Variants in RIN2 observed in about 807,000 individuals in gnomAD.
RIN2 encodes RAB5 interacting protein 2.
In RIN2, 36 loss-of-function variants were observed where a neutral mutation model predicts 78.0. The observed-to-expected ratio is 0.46, with a 90% CI of 0.35 to 0.61. The LOEUF (loss-of-function observed/expected upper bound fraction) is 0.61. Ranked by LOEUF, RIN2 falls within the 20% of genes least tolerant of loss-of-function variation. The pLI is 0.00. For synonymous variants in RIN2, 466 were observed against 466.8 expected (o/e 1.00, Z 0.02); for missense variants, 1,087 against 1,159.7 (o/e 0.94, Z 0.91).
chr20:19,795,864 T>C (rs1314149237), intron 1 of RIN2, among the ~76,000 whole-genome samples: 1 of 152,126 alleles, frequency 6.6e-6, no homozygotes, highest in Non-Finnish European at 1.5e-5. Context: ...AGAAGCTCTA[T>C]GTTTAAGGGT....
At chr20:19,863,692 G>T (rs1156492952) in intron 2 of RIN2, among the ~76,000 whole-genome samples, 3 of 152,150 alleles carry the variant, frequency 2.0e-5, no homozygotes, top group Non-Finnish European at 2.9e-5. Context: ...ACCAGCCCTA[G>T]AATCCTTGCC....
At chr20:19,869,347 C>G (rs1382692138) in intron 2 of RIN2, among the ~76,000 whole-genome samples, 2 of 152,124 alleles carry the variant, frequency 1.3e-5, no homozygotes, top group East Asian at 3.9e-4. Context: ...GGAACAAGAC[C>G]CTCACTATTC....
At position 19,764,918 on chromosome 20, in the gene RIN2, G is replaced by GTTTTTTTTTTTTTTTTTTTTTT. The variant is rs10605325; in HGVS notation, c.-163+6595_-163+6616dup. ...GGGCAAGTCCCACTTCACTTTCTGCGTTTTTTTTTTTTTTTTTTTTTTTTT... is the reference window on the plus strand; with the variant it reads ...GGGCAAGTCCCACTTCACTTTCTGCGTTTTTTTTTTTTTTTTTTTTTTTTTTTTTTTTTTTTTTTTTTTTTTT... On this transcript the variant is annotated intron_variant, in intron 1 of 12. Transcript: ENST00000255006. 2.4e-4 allele frequency among the ~76,000 whole-genome samples: 12 copies of GTTTTTTTTTTTTTTTTTTTTTT among 50,392 alleles called. 2 individuals are homozygous for GTTTTTTTTTTTTTTTTTTTTTT. The highest frequency in any genetic ancestry group is 7.9e-4 in the Admixed American group (2 of 2,538). 33.1% of individuals were successfully genotyped at this position (50,392 alleles called of 152,430 possible). A position where few individuals can be genotyped will look rare whatever the true frequency, so the allele number is the denominator to read the frequency against.
intron 3 of RIN2, among the ~76,000 whole-genome samples, chr20:19,929,185 A>C (rs2040346275): frequency 6.6e-6 from 1 of 152,100 alleles, no homozygotes; most frequent in Admixed American, 6.5e-5. Context: ...AGTGAGCAGC[A>C]CTCACTCACC....
chr20:19,961,342 T>C (rs182081006), intron 6 of RIN2, among the ~76,000 whole-genome samples: 1 of 151,876 alleles, frequency 6.6e-6, no homozygotes, highest in East Asian at 1.9e-4. Flanking sequence ...GAAGGGAGAG[T>C]GGTGTTCAGA....
In RIN2 at chr20:19,998,395, G is replaced by GA. The variant is rs559164340; in HGVS notation, c.2364+1554dup. ...GAAGATCGCTTGAGGCCAGGAGTTGGAGACCAGCCTTGGCAACAAAGTGAG... is the reference window on the plus strand; with the variant it reads ...GAAGATCGCTTGAGGCCAGGAGTTGGAAGACCAGCCTTGGCAACAAAGTGAG... On this transcript the variant is annotated intron_variant, in intron 12 of 12. Transcript: ENST00000255006. Among the ~76,000 whole-genome samples, 411 of 152,206 alleles carry GA rather than the reference G, an allele frequency of 2.7e-3. 4 individuals carry two copies. The highest frequency in any genetic ancestry group is 9.4e-3 in the African/African-American group (391 of 41,548).
At chr20:19,792,759 CT>C (rs776724977) in intron 1 of RIN2, among the ~76,000 whole-genome samples, 85 of 152,304 alleles carry the variant, frequency 5.6e-4, no homozygotes, top group Admixed American at 2.8e-3. Context: ...TCTATTACCC[CT>C]TCATTGGCTG....
At chr20:19,829,990 G>T (rs1328420850) in intron 2 of RIN2, among the ~76,000 whole-genome samples, 1 of 152,186 alleles carries the variant, frequency 6.6e-6, no homozygotes, top group Admixed American at 6.5e-5. Flanking sequence ...AGAAAATGAG[G>T]TTTCTGTTGT....
chr20:19,796,849 C>A (rs1016004599), intron 1 of RIN2, among the ~76,000 whole-genome samples: 1 of 152,152 alleles, frequency 6.6e-6, no homozygotes, highest in Non-Finnish European at 1.5e-5. Flanking sequence ...ATTTAATTTG[C>A]CTTGGGGCCA....
Position 19,975,605 on chromosome 20 carries a change from C to T in RIN2, c.1580C>T (p.Thr527Ile). Reference protein sequence around the residue: ...RIAELSRDKCTYFGCLVQDYV... With the variant: ...RIAELSRDKCIYFGCLVQDYV... ...GCCGAGCTTTCCCGGGACAAATGCACCTACTTCGGGTGCTTAGTGCAGGAC... is the reference window on the plus strand; with the variant it reads ...GCCGAGCTTTCCCGGGACAAATGCATCTACTTCGGGTGCTTAGTGCAGGAC... Residue 527 changes from threonine (T) to isoleucine (I), a missense_variant, in exon 9 of 13, where the codon ACC becomes ATC. By Grantham distance (89) the Thr-to-Ile change is moderately conservative. Around this residue, in one of 8 missense-constraint regions of RIN2, gnomAD observed 34 missense variants for 46.1 expected, o/e 0.74. Transcript: ENST00000255006. The surrounding 1 kb of genome is among the most constrained non-coding windows in gnomAD (Gnocchi z 4.9). 6.2e-7 allele frequency: 1 copy of T among 1,613,964 alleles called. No homozygotes were observed.
At chr20:19,984,629 T>C (rs1424208528) in intron 9 of RIN2, among the ~76,000 whole-genome samples, 1 of 152,064 alleles carries the variant, frequency 6.6e-6, no homozygotes, top group East Asian at 1.9e-4. Flanking sequence ...TAGCTGGGTG[T>C]GGTGGTGCAT....
At chr20:19,995,221 G>T (rs1402607921) in intron 11 of RIN2, among the ~76,000 whole-genome samples, 1 of 147,324 alleles carries the variant, frequency 6.8e-6, no homozygotes, top group Admixed American at 6.7e-5. Flanking sequence ...ACTAACTTCT[G>T]GTCCCTGCAG....
rs1462656491 is a variant in RIN2, at chr20:19,975,517, C to A, written c.1492C>A (p.Gln498Lys). The A allele has an allele frequency of 1.2e-6, 2 of 1,613,938 alleles. No individual in the cohort carries two copies. The highest frequency in any genetic ancestry group is 1.7e-6 in the Non-Finnish European group (2 of 1,179,906). ...VLPKLVKSQL[Q>K]KVSGVFSSFM... Reference sequence around the variant, plus strand: ...GCCCAAGCTCGTCAAGTCCCAGCTGCAGAAGGTGAGCGGGGTGTTCAGCTC... The same window carrying A: ...GCCCAAGCTCGTCAAGTCCCAGCTGAAGAAGGTGAGCGGGGTGTTCAGCTC... Residue 498 changes from glutamine to lysine, a missense_variant, in exon 9 of 13, where the codon CAG becomes AAG. This residue lies in a region of RIN2 where 706 missense variants were observed against 667.5 expected (regional missense o/e 1.06). Transcript: ENST00000255006. The surrounding 1 kb of genome is among the most constrained non-coding windows in gnomAD (Gnocchi z 4.9).
chr20:19,816,815 G>T (rs577343866), intron 2 of RIN2, among the ~76,000 whole-genome samples: 2 of 152,186 alleles, frequency 1.3e-5, no homozygotes, highest in African/African-American at 4.8e-5. Context: ...TGATGCATCT[G>T]AATAACTGAA....
chr20:19,904,240 A>T lies in RIN2; in HGVS notation c.57+14582A>T, dbSNP rs6035475. On this transcript the variant is annotated intron_variant, in intron 3 of 12. Coordinates refer to ENST00000255006, the MANE Select transcript of RIN2 (RefSeq NM_018993.4). ...GAATGAGACTTCGTCTCAAAAAAAA[A>T]ATATATATATATATATATATAAAAT... is the stretch of plus-strand genomic sequence containing the variant. Among the ~76,000 whole-genome samples the T allele has an allele frequency of 7.3e-3, 667 of 91,684 alleles. 2 individuals carry two copies. The highest frequency in any genetic ancestry group is 0.011 in the South Asian group (35 of 3,104). 60.1% of individuals were successfully genotyped at this position (91,684 alleles called of 152,430 possible). A position where few individuals can be genotyped will look rare whatever the true frequency, so the allele number is the denominator to read the frequency against.
chr20:19,847,517 C>T (rs1164482600), intron 2 of RIN2, among the ~76,000 whole-genome samples: 1 of 152,170 alleles, frequency 6.6e-6, no homozygotes, highest in Non-Finnish European at 1.5e-5. Flanking sequence ...ACTTCAGCTT[C>T]CGGAGACCCA....
chr20:19,951,492 G>C (rs1465614355), intron 4 of RIN2, among the ~76,000 whole-genome samples: 1 of 152,146 alleles, frequency 6.6e-6, no homozygotes, highest in Non-Finnish European at 1.5e-5. Flanking sequence ...ATTTTTGGAG[G>C]AGTTAACACA....
chr20:19,926,601 C>T (rs778878762), intron 3 of RIN2, among the ~76,000 whole-genome samples: 2 of 151,938 alleles, frequency 1.3e-5, no homozygotes, highest in Non-Finnish European at 2.9e-5. Context: ...TTGGGTAATG[C>T]GGTTTTTTTA....
intron 1 of RIN2, among the ~76,000 whole-genome samples, chr20:19,773,910 TTA>T (rs200150313): frequency 0.022 from 3,219 of 148,482 alleles, 57 homozygotes; most frequent in African/African-American, 0.049. Flanking sequence ...TTATAAAATA[TTA>T]TATATATATA....
Sources: gnomAD v4.1 joint callset for allele counts (sites outside exome capture counted in the v4.1 genomes callset) on GRCh38, gnomAD v4.1.1 for gene constraint, gnomAD v4.1.1 regional missense constraint, Gnocchi (gnomAD v3.1) non-coding constraint, MANE v1.5 for transcripts, NCBI Gene and HGNC (gene_info 2026-07-23, HGNC 2026-07-21) for gene names.